Variants in FLNB observed in about 807,000 individuals in gnomAD.
The protein encoded by FLNB is filamin-B.
A neutral mutation model predicts 250.6 loss-of-function variants in FLNB; 111 were observed. That is an observed-to-expected ratio of 0.44 (90% CI 0.38 to 0.52). The LOEUF is 0.52. Among genes scored for constraint, FLNB ranks in the 20% least tolerant of loss-of-function variants. FLNB has a pLI of 0.00. For missense variants in FLNB, 2,869 were observed against 3,447.8 expected, an observed-to-expected ratio of 0.83 and a Z score of 4.20; for synonymous variants, 1,302 against 1,372.1, an observed-to-expected ratio of 0.95 and a Z score of 1.13.
intron 25 of FLNB, chr3:58,132,176 G>A (rs553153053): frequency 1.0e-4 from 63 of 623,850 alleles, no homozygotes; most frequent in Non-Finnish European, 1.6e-4. Flanking sequence ...TGACTGTCAC[G>A]TTGGAAGCTG....
intron 27 of FLNB, among the ~76,000 whole-genome samples, chr3:58,135,724 A>C (rs1182839273): frequency 2.0e-5 from 3 of 152,196 alleles, no homozygotes; most frequent in Non-Finnish European, 2.9e-5. Flanking sequence ...TACATTTCAG[A>C]GGATTTCGAG....
chr3:58,009,921 A>C (rs190059412), intron 1 of FLNB, among the ~76,000 whole-genome samples: 103 of 152,316 alleles, frequency 6.8e-4, no homozygotes, highest in African/African-American at 2.4e-3. Flanking sequence ...GAGGGCCACA[A>C]GGCTACTGAT....
chr3:58,124,339 C>T lies in FLNB; in HGVS notation c.3732C>T (p.Phe1244=). The T allele has an allele frequency of 1.2e-6, 2 of 1,614,050 alleles. No individual in the cohort carries two copies. Among genetic ancestry groups the T allele is most frequent in the South Asian group, 2.2e-5 (2 of 91,040 alleles). ...FGPGIEGKDV[F]REATTDFTVD... ...TATGTGCTTGCTCTGCAGATGTGTT[C>T]CGGGAAGCTACCACCGACTTTACAG... The change falls in exon 22 of 46, where the codon TTC becomes TTT. Residue 1244 remains phenylalanine, a synonymous_variant. Coordinates refer to ENST00000295956, the MANE Select transcript of FLNB (RefSeq NM_001457.4).
At chr3:58,111,636 G>A (rs191157654) in intron 16 of FLNB, among the ~76,000 whole-genome samples, 155 bp from the exon 17 acceptor site, 2 of 152,224 alleles carry the variant, frequency 1.3e-5, no homozygotes, top group Admixed American at 6.5e-5. Flanking sequence ...GGGCCCTTTT[G>A]GCTTATCTTA....
intron 23 of FLNB, 83 bp downstream of exon 23, chr3:58,125,826 G>A: frequency 1.5e-6 from 2 of 1,341,564 alleles, no homozygotes; most frequent in African/African-American, 2.9e-5. Flanking sequence ...CCTAACTTTT[G>A]ATAAGATGAA....
At chr3:58,113,756 GC>G (rs1319510959) in intron 18 of FLNB, among the ~76,000 whole-genome samples, 3 of 152,160 alleles carry the variant, frequency 2.0e-5, no homozygotes, top group Admixed American at 1.3e-4. Flanking sequence ...TCAGCTCACT[GC>G]AACCTCTGCC....
At chr3:58,055,208 G>A (rs1192153573) in intron 1 of FLNB, among the ~76,000 whole-genome samples, 1 of 152,092 alleles carries the variant, frequency 6.6e-6, no homozygotes, top group East Asian at 1.9e-4. Flanking sequence ...AGAGGTTGCA[G>A]TGAGCTGGGA....
chr3:58,169,834 G>GC lies in FLNB; in HGVS notation c.7621+42dup. ...TTTTCAAGGGTGGGGTGGGGCAGGG[G>GC]CAGGCTGGGCACCCTGGGTACACTG... On this transcript the variant is annotated intron_variant, in intron 45 of 45. Transcript: ENST00000295956. The surrounding 1 kb of genome is among the most constrained non-coding windows in gnomAD (Gnocchi z 4.8). The GC allele has an allele frequency of 7.0e-7, 1 of 1,436,312 alleles. No homozygotes were observed. The highest frequency in any genetic ancestry group is 9.8e-7 in the Non-Finnish European group (1 of 1,024,678). The allele number at this position is 1,436,312 out of a possible 1,614,324, so 89.0% of individuals were successfully genotyped here. A position where few individuals can be genotyped will look rare whatever the true frequency, so the allele number is the denominator to read the frequency against.
Position 58,120,402 on chromosome 3 carries a change from G to A in FLNB, c.2864-839G>A, listed in dbSNP as rs774682670. ...TCCGGGACCTCCTTGCCTGTGGTTC[G>A]GCAGTGTCCATCTTGCCAGGCCCTA... On this transcript the variant is annotated intron_variant, in intron 19 of 45. Transcript: ENST00000295956. Among the ~76,000 whole-genome samples the A allele has an allele frequency of 1.3e-4, 20 of 152,206 alleles. 1 individual carries two copies. Among genetic ancestry groups the A allele is most frequent in the African/African-American group, 4.3e-4 (18 of 41,446 alleles).
chr3:58,044,146 G>A (rs1382432546), intron 1 of FLNB, among the ~76,000 whole-genome samples: 1 of 152,202 alleles, frequency 6.6e-6, no homozygotes, highest in African/African-American at 2.4e-5. Context: ...CCAGTCAGTT[G>A]TGGACTGAGA....
At chr3:58,125,897 G>C (rs572085982) in intron 23 of FLNB, among the ~76,000 whole-genome samples, 154 bp downstream of exon 23, 1 of 152,282 alleles carries the variant, frequency 6.6e-6, no homozygotes, top group African/African-American at 2.4e-5. Context: ...GAAAGACCAA[G>C]CATACCTAAA....
At chr3:58,116,802 G>C (rs967518172) in intron 18 of FLNB, among the ~76,000 whole-genome samples, 3 of 152,168 alleles carry the variant, frequency 2.0e-5, no homozygotes, top group Non-Finnish European at 4.4e-5. Context: ...GCGCAGAGCA[G>C]TTTGAGAAGC....
intron 36 of FLNB, chr3:58,149,197 A>G (rs1358078195): frequency 5.5e-6 from 2 of 362,660 alleles, no homozygotes; most frequent in Non-Finnish European, 1.1e-5. Context: ...TGTTGGGTTG[A>G]TTGGCCAAGA....
intron 40 of FLNB, 119 bp from the exon 41 acceptor site, chr3:58,155,841 C>G (rs1559736011): frequency 1.4e-6 from 1 of 713,026 alleles, no homozygotes; most frequent in Admixed American, 2.0e-5. Flanking sequence ...CTCAACCAAT[C>G]AGCTGTGGCC....
chr3:58,080,593 C>T (rs1295013041), intron 3 of FLNB, among the ~76,000 whole-genome samples: 7 of 150,086 alleles, frequency 4.7e-5, no homozygotes, highest in Non-Finnish European at 1.0e-4. Context: ...CTCCTAGGTA[C>T]AAGCGATTCT....
At chr3:58,129,819 G>A (rs1217676579) in intron 24 of FLNB, among the ~76,000 whole-genome samples, 7 of 152,222 alleles carry the variant, frequency 4.6e-5, no homozygotes, top group Admixed American at 6.5e-5. Context: ...GGTGATGGGC[G>A]TGGTAGCCTG....
intron 12 of FLNB, 34 bp downstream of exon 12, chr3:58,106,907 C>G: frequency 6.3e-7 from 1 of 1,590,048 alleles, no homozygotes. Flanking sequence ...TCTTCTTGTC[C>G]CTGGCCCCTG....
chr3:58,092,932 A>G (rs1163874308), intron 4 of FLNB, among the ~76,000 whole-genome samples: 1 of 152,168 alleles, frequency 6.6e-6, no homozygotes, highest in Non-Finnish European at 1.5e-5. Context: ...CCTATAATCA[A>G]TTCCCTTCAA....
chr3:58,019,282 A>C (rs1257770765), intron 1 of FLNB, among the ~76,000 whole-genome samples: 1 of 152,222 alleles, frequency 6.6e-6, no homozygotes, highest in Non-Finnish European at 1.5e-5. Flanking sequence ...AGAATTCCTG[A>C]CAAAAAACTT....
Sources: allele counts gnomAD v4.1 joint callset (sites outside exome capture counted in the v4.1 genomes callset), GRCh38; gene constraint gnomAD v4.1.1; non-coding constraint Gnocchi (gnomAD v3.1); transcripts MANE v1.5; gene names NCBI Gene and HGNC (gene_info 2026-07-23, HGNC 2026-07-21).